The following PTPRD variants were observed in gnomAD, a reference collection of about 807,000 sequenced individuals.
PTPRD encodes protein tyrosine phosphatase receptor type D, also known as receptor-type tyrosine-protein phosphatase delta.
In PTPRD, 34 loss-of-function variants were observed where a neutral mutation model predicts 214.5. The ratio of observed to expected loss-of-function variants is 0.16; its 90% CI spans 0.12 to 0.21. The LOEUF (loss-of-function observed/expected upper bound fraction) is 0.21. PTPRD is among the 10% of genes least tolerant of loss of function. PTPRD has a pLI of 1.00. For synonymous variants in PTPRD, 1,128 were observed against 845.7 expected, an observed-to-expected ratio of 1.33 and a Z score of -5.79; for missense variants, 2,545 against 2,398.7, an observed-to-expected ratio of 1.06 and a Z score of -1.27.
At chr9:8,636,342 C>T (rs1188882692) in intron 13 of PTPRD, among the ~76,000 whole-genome samples, 4 of 152,104 alleles carry the variant, frequency 2.6e-5, no homozygotes, top group Admixed American at 6.6e-5. Flanking sequence ...GCACAAGTAA[C>T]GTAATAGGAG....
At chr9:10,421,504 A>G (rs566636567) in intron 2 of PTPRD, among the ~76,000 whole-genome samples, 54 of 152,024 alleles carry the variant, frequency 3.6e-4, no homozygotes, top group African/African-American at 1.3e-3. Context: ...ATAAAATACC[A>G]TTTCCATTTT....
At chr9:8,863,482 T>G (rs564298052) in intron 11 of PTPRD, among the ~76,000 whole-genome samples, 1 of 152,236 alleles carries the variant, frequency 6.6e-6, no homozygotes, top group Admixed American at 6.5e-5. Flanking sequence ...AACTGTATAT[T>G]ACACTTATTT....
chr9:9,234,263 A>G (rs1453220656), intron 9 of PTPRD, among the ~76,000 whole-genome samples: 1 of 152,188 alleles, frequency 6.6e-6, no homozygotes, highest in Non-Finnish European at 1.5e-5. Flanking sequence ...GTCCCATGCT[A>G]TACCTTGGCC....
chr9:10,045,097 G>T (rs1471379417), intron 3 of PTPRD, among the ~76,000 whole-genome samples: 1 of 151,694 alleles, frequency 6.6e-6, no homozygotes, highest in African/African-American at 2.4e-5. Flanking sequence ...TCAAAATGAG[G>T]TCTGGTAATC....
chr9:9,581,665 G>A (rs1043316990), intron 7 of PTPRD, among the ~76,000 whole-genome samples: 2 of 152,072 alleles, frequency 1.3e-5, no homozygotes, highest in Non-Finnish European at 2.9e-5. Context: ...TTAGGTGTTA[G>A]AGTTTACCTT....
At chr9:8,439,567 T>C (rs771882721) in intron 34 of PTPRD, among the ~76,000 whole-genome samples, 1 of 152,202 alleles carries the variant, frequency 6.6e-6, no homozygotes, top group Non-Finnish European at 1.5e-5. Flanking sequence ...CACAGTCTAT[T>C]ATGATGTTAT....
At chr9:9,143,173 A>G (rs138878887) in intron 10 of PTPRD, among the ~76,000 whole-genome samples, 14 of 152,202 alleles carry the variant, frequency 9.2e-5, no homozygotes, top group African/African-American at 3.4e-4. Context: ...GGAGCATGCT[A>G]TTTGTTCATC....
chr9:8,821,211 G>C (rs1368900128), intron 11 of PTPRD, among the ~76,000 whole-genome samples: 2 of 152,172 alleles, frequency 1.3e-5, no homozygotes, highest in Non-Finnish European at 2.9e-5. Flanking sequence ...AAAATTCTTA[G>C]ATGATCACAG....
At chr9:8,817,875 G>A (rs2096954341) in intron 11 of PTPRD, among the ~76,000 whole-genome samples, 3 of 152,042 alleles carry the variant, frequency 2.0e-5, no homozygotes, top group South Asian at 2.1e-4. Flanking sequence ...AACTAAGACT[G>A]GGTTGGAAAT....
intron 3 of PTPRD, among the ~76,000 whole-genome samples, chr9:10,172,646 G>A (rs1363810706): frequency 1.3e-5 from 2 of 152,158 alleles, no homozygotes; most frequent in Admixed American, 1.3e-4. Context: ...ATGCTGAACT[G>A]AATTAGGAGA....
At chr9:10,310,675 C>G (rs2096244459) in intron 3 of PTPRD, among the ~76,000 whole-genome samples, 2 of 152,072 alleles carry the variant, frequency 1.3e-5, no homozygotes, top group Admixed American at 1.3e-4. Flanking sequence ...GACATTAAAG[C>G]TTTTGGCTGA....
intron 9 of PTPRD, among the ~76,000 whole-genome samples, chr9:9,287,398 A>G (rs1169689468): frequency 6.6e-6 from 1 of 151,916 alleles, no homozygotes; most frequent in Non-Finnish European, 1.5e-5. Flanking sequence ...ATAAAATTTT[A>G]GTGCTAAATT....
intron 4 of PTPRD, among the ~76,000 whole-genome samples, chr9:10,030,566 T>G (rs757784848): frequency 1.3e-5 from 2 of 152,000 alleles, no homozygotes; most frequent in Non-Finnish European, 2.9e-5. Context: ...GTGACTAGAC[T>G]AATGTTAACT....
chr9:9,560,288 C>G (rs1223947617), intron 8 of PTPRD, among the ~76,000 whole-genome samples: 2 of 152,180 alleles, frequency 1.3e-5, no homozygotes, highest in Non-Finnish European at 1.5e-5. Context: ...CTAATAGCTT[C>G]TCATGCTCTA....
chr9:10,125,771 C>A (rs1009412695), intron 3 of PTPRD, among the ~76,000 whole-genome samples: 3 of 151,770 alleles, frequency 2.0e-5, no homozygotes, highest in African/African-American at 7.3e-5. Context: ...CGTGAGCCAC[C>A]GCACCCATCT....
intron 7 of PTPRD, among the ~76,000 whole-genome samples, chr9:9,593,834 G>A (rs1040714027): frequency 4.6e-5 from 7 of 151,936 alleles, no homozygotes; most frequent in Admixed American, 4.6e-4. Context: ...CTTCAACACA[G>A]CACCCCACCA....
At chr9:8,590,348 C>T (rs1394323175) in intron 14 of PTPRD, among the ~76,000 whole-genome samples, 1 of 152,032 alleles carries the variant, frequency 6.6e-6, no homozygotes, top group Non-Finnish European at 1.5e-5. Flanking sequence ...TTACGTCTTC[C>T]AAGGTATTTT....
intron 8 of PTPRD, among the ~76,000 whole-genome samples, chr9:9,449,363 T>C (rs1470871872): frequency 6.6e-6 from 1 of 152,204 alleles, no homozygotes; most frequent in South Asian, 2.1e-4. Context: ...TTCTCCATCT[T>C]GTACATTCCT....
At chr9:9,269,942 G>T (rs986602111) in intron 9 of PTPRD, among the ~76,000 whole-genome samples, 5 of 150,442 alleles carry the variant, frequency 3.3e-5, no homozygotes, top group African/African-American at 9.7e-5. Context: ...CGTACAGCAT[G>T]GTGACTATAG....
Sources: allele counts gnomAD v4.1 joint callset (sites outside exome capture counted in the v4.1 genomes callset), GRCh38; gene constraint gnomAD v4.1.1; transcripts MANE v1.5; gene names NCBI Gene and HGNC (gene_info 2026-07-23, HGNC 2026-07-21).